The following ASTN2 variants were observed in gnomAD, a reference collection of about 807,000 sequenced individuals.
ASTN2 encodes the protein astrotactin-2.
In ASTN2, 54 loss-of-function variants were observed where a neutral mutation model predicts 139.8. That is an observed-to-expected ratio of 0.39 (90% confidence interval 0.31 to 0.48). The LOEUF (loss-of-function observed/expected upper bound fraction) is 0.48. ASTN2 is among the 20% of genes least tolerant of loss of function. The pLI is 0.95. For missense variants in ASTN2, 1,565 were observed against 1,725.1 expected, an observed-to-expected ratio of 0.91 and a Z score of 1.64; for synonymous variants, 756 against 719.5, an observed-to-expected ratio of 1.05 and a Z score of -0.81.
rs1451845045 is a variant in ASTN2, at chr9:117,414,669, G to A, written c.270C>T (p.Ala90=). The A allele has an allele frequency of 1.6e-6, 2 of 1,262,668 alleles. No individual in the cohort carries two copies. 78.2% of individuals were successfully genotyped at this position (1,262,668 alleles called of 1,614,324 possible). Residue 90 remains alanine (A), a synonymous_variant, in exon 1 of 23, where the codon GCC becomes GCT. Coordinates refer to ENST00000313400, the MANE Select transcript of ASTN2 (RefSeq NM_001365068.1). The surrounding 1 kb of genome is among the most constrained non-coding windows in gnomAD (Gnocchi z 4.2). ...CGGCTCCGGCCCCGGTCCCAGCCCC[G>A]GCCCCGGCGCGGGCGCCGCTCCAGC... The part of the protein sequence containing the change: ...DIGWSGARAG[A]GAGTGAGAAA...
chr9:116,644,265 G>A (rs537691823), intron 17 of ASTN2, among the ~76,000 whole-genome samples: 38 of 152,280 alleles, frequency 2.5e-4, no homozygotes, highest in Non-Finnish European at 4.1e-4. Flanking sequence ...CAGAGAGAAA[G>A]AATCTGCTGG....
rs576983877 is a variant in ASTN2 at position 116,517,115 on chromosome 9, T to G, written c.3356-29615A>C. ...CCACCTGAGAAACCTGAATACTTCA[T>G]CAGGTGTCCCTAGGGTAAGTCTGCA... On this transcript the variant is annotated intron_variant, in intron 19 of 22. Transcript: ENST00000313400. Among the ~76,000 whole-genome samples the G allele has an allele frequency of 2.0e-5, 3 of 152,304 alleles. No homozygotes were observed. The East Asian group carries it at 5.8e-4, about 29-fold the overall frequency.
chr9:117,050,752 G>A (rs902631647), intron 5 of ASTN2, among the ~76,000 whole-genome samples: 21 of 152,022 alleles, frequency 1.4e-4, no homozygotes, highest in Middle Eastern at 3.4e-3. Flanking sequence ...AAAAATAGGG[G>A]GCATTTTCAC....
In ASTN2 at chr9:116,698,443, A is replaced by C; in HGVS notation, c.2806+27328T>G. On this transcript the variant is annotated intron_variant, in intron 16 of 22. Transcript: ENST00000313400. This position sits in a 1 kb window ranked among gnomAD's most constrained non-coding sequence, Gnocchi z 4.4. The stretch of plus-strand genomic sequence containing the variant: ...TACCTGCTTAACATTGCAGAGGTGC[A>C]GGCTGTGTCTCGCTGTGACTACTTC... 1.2e-6 allele frequency: 2 copies of C among 1,614,086 alleles called. No homozygotes were observed. The highest frequency in any genetic ancestry group is 1.7e-6 in the Non-Finnish European group (2 of 1,180,022).
intron 19 of ASTN2, among the ~76,000 whole-genome samples, chr9:116,490,552 G>A (rs528660971): frequency 4.6e-5 from 7 of 152,190 alleles, no homozygotes; most frequent in Admixed American, 2.0e-4. Flanking sequence ...CTTGAGACTG[G>A]GTAACTCATA....
chr9:117,001,582 C>A (rs1360918874), intron 7 of ASTN2, among the ~76,000 whole-genome samples: 1 of 152,154 alleles, frequency 6.6e-6, no homozygotes, highest in Non-Finnish European at 1.5e-5. Flanking sequence ...GGGTGCAGTA[C>A]AACTAAACTG....
intron 5 of ASTN2, among the ~76,000 whole-genome samples, chr9:117,043,393 C>A (rs183664884): frequency 1.3e-5 from 2 of 152,218 alleles, no homozygotes; most frequent in Admixed American, 1.3e-4. Flanking sequence ...TCATTCCTGG[C>A]CCACACAGCA....
intron 10 of ASTN2, among the ~76,000 whole-genome samples, chr9:116,963,675 G>A (rs1354012740): frequency 6.6e-6 from 1 of 152,042 alleles, no homozygotes; most frequent in East Asian, 1.9e-4. Context: ...AAGAACTTGG[G>A]GCTTTCCTCC....
intron 13 of ASTN2, among the ~76,000 whole-genome samples, chr9:116,767,559 A>C (rs530708175): frequency 1.3e-5 from 2 of 152,182 alleles, no homozygotes; most frequent in Non-Finnish European, 2.9e-5. Flanking sequence ...GACACTAATA[A>C]AGCGTGTGGC....
chr9:117,157,572 C>T (rs1448454799), intron 3 of ASTN2, among the ~76,000 whole-genome samples: 1 of 152,012 alleles, frequency 6.6e-6, no homozygotes, highest in Non-Finnish European at 1.5e-5. Flanking sequence ...GTCTGGGTGA[C>T]TTTAGCCTTC....
At chr9:117,063,104 T>G (rs141667274) in intron 5 of ASTN2, among the ~76,000 whole-genome samples, 139 of 152,342 alleles carry the variant, frequency 9.1e-4, no homozygotes, top group African/African-American at 3.2e-3. Flanking sequence ...CCAACCACAT[T>G]AATGTAGATT....
chr9:116,529,963 T>C (rs1180348656), intron 19 of ASTN2, among the ~76,000 whole-genome samples: 1 of 151,574 alleles, frequency 6.6e-6, no homozygotes, highest in African/African-American at 2.4e-5. Context: ...TAATACAGTA[T>C]ATATTCAAAA....
rs543086380 is a variant in ASTN2, at chr9:117,156,982, A to G, written c.1016-15504T>C. 5.3e-5 allele frequency among the ~76,000 whole-genome samples: 8 copies of G among 152,120 alleles called. No homozygotes were observed. The South Asian group carries it at 1.2e-3, about 24-fold the overall frequency. ...CTCCATTTATTCACTCCTCCAGCACATACACACAGACATACAGACATACAC... is the reference window on the plus strand; with the variant it reads ...CTCCATTTATTCACTCCTCCAGCACGTACACACAGACATACAGACATACAC... On this transcript the variant is annotated intron_variant, in intron 3 of 22. Coordinates refer to ENST00000313400, the MANE Select transcript of ASTN2 (RefSeq NM_001365068.1).
chr9:116,834,373 G>A (rs578113072), intron 11 of ASTN2, among the ~76,000 whole-genome samples: 23 of 152,196 alleles, frequency 1.5e-4, no homozygotes, highest in East Asian at 1.2e-3. Context: ...TTCTTCTATC[G>A]GTTTTGGAAA....
intron 17 of ASTN2, among the ~76,000 whole-genome samples, chr9:116,632,205 A>AGAAAGAAAGAAAGAAAG (rs1554723308): frequency 4.4e-5 from 2 of 45,306 alleles, no homozygotes; most frequent in East Asian, 1.3e-3. Flanking sequence ...AGAAAGAAAG[A>AGAAAGAAAGAAAGAAAG]AAAGAAAGAA....
chr9:117,179,935 C>G (rs1281227615), intron 3 of ASTN2, among the ~76,000 whole-genome samples: 6 of 152,318 alleles, frequency 3.9e-5, no homozygotes, highest in African/African-American at 1.4e-4. Flanking sequence ...GATGATGCTT[C>G]TGAGATCATT....
chr9:116,904,546 TTTC>T (rs1216874973), intron 10 of ASTN2, among the ~76,000 whole-genome samples: 6 of 152,176 alleles, frequency 3.9e-5, no homozygotes, highest in Admixed American at 1.3e-4. Context: ...TGGGCTTCAG[TTTC>T]TTCATCTGTA....
chr9:116,521,717 A>G (rs996467096), intron 19 of ASTN2, among the ~76,000 whole-genome samples: 2 of 152,200 alleles, frequency 1.3e-5, no homozygotes, highest in Non-Finnish European at 2.9e-5. Flanking sequence ...TTAACTGAAA[A>G]CCCACAGAGT....
chr9:117,040,056 T>C (rs561955623), intron 5 of ASTN2, 91 bp from the exon 6 acceptor site: 316 of 1,375,504 alleles, frequency 2.3e-4, no homozygotes, highest in Non-Finnish European at 2.9e-4. Flanking sequence ...TATTTTCCAG[T>C]TGGGAATCTG....
Sources: gnomAD v4.1 joint callset for allele counts (sites outside exome capture counted in the v4.1 genomes callset) on GRCh38, gnomAD v4.1.1 for gene constraint, Gnocchi (gnomAD v3.1) non-coding constraint, MANE v1.5 for transcripts, NCBI Gene and HGNC (gene_info 2026-07-23, HGNC 2026-07-21) for gene names.